Variants in LTF observed in about 807,000 individuals in gnomAD.
The protein encoded by LTF is lactotransferrin, also known as epididymis luminal protein 110.
LTF carries 91 observed loss-of-function variants against 87.2 expected under a neutral mutation model. The ratio of observed to expected loss-of-function variants is 1.04; its 90% confidence interval spans 0.88 to 1.24. LTF has a LOEUF of 1.24. LTF is among the 50% of genes most tolerant of loss of function. The probability of loss-of-function intolerance (pLI) is 0.00; values close to 1 mark genes in which losing one functional copy is unlikely to be tolerated. For missense variants in LTF, 901 were observed against 904.3 expected, an observed-to-expected ratio of 1.00 and a Z score of 0.05; for synonymous variants, 378 against 356.1, an observed-to-expected ratio of 1.06 and a Z score of -0.69.
chr3:46,465,093 C>A (rs546683659), upstream of LTF: 9 of 588,846 alleles, frequency 1.5e-5, no homozygotes, highest in African/African-American at 1.5e-4. Flanking sequence ...GCCTGCACCT[C>A]ACCTGTCCTG....
At chr3:46,449,103 C>T (rs950114574) in intron 8 of LTF, 86 bp from the exon 9 acceptor site, 1 of 1,311,242 alleles carries the variant, frequency 7.6e-7, no homozygotes, top group African/African-American at 1.5e-5. Context: ...CCTGCCCAGA[C>T]TCTCCCTGGA....
Position 46,438,062 on chromosome 3 carries a change from T to C in LTF, c.1976A>G (p.Asn659Ser). Reference sequence around the variant, plus strand: ...CTCAGTGTTGTCATTGAACAGAAGGTTTTTGGTTTCAGACTGGAATAAGCA... The same window carrying C: ...CTCAGTGTTGTCATTGAACAGAAGGCTTTTGGTTTCAGACTGGAATAAGCA... ...KFCLFQSETK[N>S]LLFNDNTECL... Residue 659 changes from asparagine (N) to serine (S), a missense_variant, in exon 16 of 17, where the codon AAC becomes AGC. By Grantham distance (46) the Asn-to-Ser change is conservative. Transcript: ENST00000231751. 2 of 1,613,704 alleles carry C rather than the reference T, an allele frequency of 1.2e-6. No homozygotes were observed. Among genetic ancestry groups the C allele is most frequent in the Non-Finnish European group, 1.7e-6 (2 of 1,179,732 alleles).
At chr3:46,481,587 C>A (rs567642811) in intron 1 of LTF, among the ~76,000 whole-genome samples, 2 of 152,308 alleles carry the variant, frequency 1.3e-5, no homozygotes, top group South Asian at 4.1e-4. Context: ...CCCATCTCTA[C>A]TAAAGATACA....
At chr3:46,482,665 AAG>A (rs1559614846) in intron 1 of LTF, among the ~76,000 whole-genome samples, 1,939 of 81,388 alleles carry the variant, frequency 0.024, 35 homozygotes, top group Non-Finnish European at 0.031. Flanking sequence ...AGAAAGAAGG[AAG>A]GAAGGAAGGA....
chr3:46,464,776 G>A (rs1012697571), intron 1 of LTF, 49 bp downstream of exon 1: 2 of 1,604,250 alleles, frequency 1.2e-6, no homozygotes, highest in South Asian at 1.1e-5. Context: ...CAGACAGGGC[G>A]CAGGAGACGC....
At chr3:46,482,143 A>C (rs1359815666) in intron 1 of LTF, among the ~76,000 whole-genome samples, 1 of 152,080 alleles carries the variant, frequency 6.6e-6, no homozygotes, top group Non-Finnish European at 1.5e-5. Context: ...ACACACACCT[A>C]AGTTTAGTCT....
chr3:46,445,538 A>G (rs1461563467), intron 11 of LTF, 102 bp from the exon 12 acceptor site: 20 of 959,306 alleles, frequency 2.1e-5, no homozygotes, highest in Non-Finnish European at 3.1e-5. Context: ...CAGGCCAAGA[A>G]GCAACACCAG....
intron 2 of LTF, among the ~76,000 whole-genome samples, chr3:46,458,627 T>G (rs553991789): frequency 6.6e-6 from 1 of 152,202 alleles, no homozygotes; most frequent in African/African-American, 2.4e-5. Flanking sequence ...CAGGCTGGAG[T>G]GCAATAGCAT....
intron 1 of LTF, among the ~76,000 whole-genome samples, chr3:46,474,593 C>A (rs1333723106): frequency 2.0e-5 from 3 of 152,210 alleles, no homozygotes; most frequent in Non-Finnish European, 4.4e-5. Flanking sequence ...ACACCATCAA[C>A]CAGCAGAACT....
chr3:46,481,125 C>G (rs550609370), intron 1 of LTF, among the ~76,000 whole-genome samples: 58 of 152,344 alleles, frequency 3.8e-4, no homozygotes, highest in Admixed American at 2.0e-3. Flanking sequence ...TGCAGCCCCC[C>G]TCCAGGAAGC....
At chr3:46,473,279 A>T (rs909195335) in intron 1 of LTF, among the ~76,000 whole-genome samples, 3 of 152,210 alleles carry the variant, frequency 2.0e-5, no homozygotes, top group African/African-American at 7.2e-5. Flanking sequence ...CCTTTGGATT[A>T]ATACCTTCTC....
intron 1 of LTF, among the ~76,000 whole-genome samples, chr3:46,462,105 A>G (rs893528332): frequency 7.2e-5 from 11 of 152,176 alleles, no homozygotes; most frequent in African/African-American, 2.7e-4. Context: ...CCTTTATAGA[A>G]CTATCCCACA....
At chr3:46,457,771 C>A (rs1479595176) in intron 2 of LTF, among the ~76,000 whole-genome samples, 1 of 151,942 alleles carries the variant, frequency 6.6e-6, no homozygotes. Context: ...TACATTTTTT[C>A]CAATTTGGGT....
intron 2 of LTF, among the ~76,000 whole-genome samples, chr3:46,459,004 G>A (rs1012595000): frequency 2.6e-5 from 4 of 152,100 alleles, no homozygotes; most frequent in Non-Finnish European, 4.4e-5. Context: ...AAGTTGCCTC[G>A]GGAACTTTTA....
intron 6 of LTF, among the ~76,000 whole-genome samples, chr3:46,451,345 G>A (rs1406506480): frequency 2.0e-5 from 3 of 152,078 alleles, no homozygotes; most frequent in South Asian, 2.1e-4. Flanking sequence ...TGTAAATAAC[G>A]TACTAACTAA....
At chr3:46,441,346 C>A in intron 14 of LTF, 70 bp downstream of exon 14, 6 of 1,277,880 alleles carry the variant, frequency 4.7e-6, no homozygotes, top group Non-Finnish European at 6.6e-6. Context: ...AAAGGCAAAT[C>A]TGAACACTAA....
At chr3:46,472,066 C>T (rs902474967) in intron 1 of LTF, among the ~76,000 whole-genome samples, 2 of 152,180 alleles carry the variant, frequency 1.3e-5, no homozygotes, top group East Asian at 1.9e-4. Context: ...TCTTTTCCAG[C>T]GACCCTCCTC....
intron 15 of LTF, 89 bp downstream of exon 15, chr3:46,439,207 G>T: frequency 7.9e-7 from 1 of 1,259,262 alleles, no homozygotes; most frequent in South Asian, 1.4e-5. Context: ...AGAGAGGATC[G>T]AGTGGGCTGG....
In LTF at chr3:46,436,071, G is replaced by T; in HGVS notation, c.*124C>A. ...CTAAGACGACAGCAGGGAATTGTAA[G>T]CAGATGGATGGGCAATCCCCACCTT... On this transcript the variant is annotated 3_prime_UTR_variant, in exon 17 of 17. Coordinates refer to ENST00000231751, the MANE Select transcript of LTF (RefSeq NM_002343.6). The T allele has an allele frequency of 1.2e-6, 1 of 861,730 alleles. No homozygotes were observed. Among genetic ancestry groups the T allele is most frequent in the Non-Finnish European group, 1.9e-6 (1 of 516,352 alleles). The allele number at this position is 861,730 out of a possible 1,614,324, so 53.4% of individuals were successfully genotyped here.
Sources: allele counts gnomAD v4.1 joint callset (sites outside exome capture counted in the v4.1 genomes callset), GRCh38; gene constraint gnomAD v4.1.1; transcripts MANE v1.5; gene names NCBI Gene and HGNC (gene_info 2026-07-23, HGNC 2026-07-21).